The following PCDHGA6 variants were observed in gnomAD, a reference collection of about 807,000 sequenced individuals.
PCDHGA6 encodes protocadherin gamma-A6.
A neutral mutation model predicts 60.6 loss-of-function variants in PCDHGA6; 41 were observed. The observed-to-expected ratio is 0.68, with a 90% CI of 0.53 to 0.88. The LOEUF (loss-of-function observed/expected upper bound fraction) is 0.88. Ranked by LOEUF, PCDHGA6 falls within the 40% of genes least tolerant of loss-of-function variation. The pLI is 0.00. For missense variants in PCDHGA6, 1,312 were observed against 1,203.0 expected, an observed-to-expected ratio of 1.09 and a Z score of -1.34; for synonymous variants, 594 against 524.4, an observed-to-expected ratio of 1.13 and a Z score of -1.81.
Position 141,395,219 on chromosome 5 carries a change from T to G in PCDHGA6, c.2424+18712T>G, listed in dbSNP as rs1303078300. On this transcript the variant is annotated intron_variant, in intron 1 of 3. Coordinates refer to ENST00000517434, the MANE Select transcript of PCDHGA6 (RefSeq NM_018919.3). Reference sequence around the variant, plus strand: ...CCGTAGATTTTCATGAATATAAGAATGAAGCTGATCATGGTCAGGTGAGTT... The same window carrying G: ...CCGTAGATTTTCATGAATATAAGAAGGAAGCTGATCATGGTCAGGTGAGTT... 3.7e-6 allele frequency: 6 copies of G among 1,611,924 alleles called. No individual in the cohort carries two copies. In the African/African-American group the frequency reaches 4.0e-5, roughly 11 times the overall value.
Position 141,476,477 on chromosome 5 carries a change from G to C in PCDHGA6, c.2425-18330G>C. ...GGAGAACCCGCTGGAGCTGTTCAGCGTGGAAGTGGTGATCCAGGACATCAA... is the reference window on the plus strand; with the variant it reads ...GGAGAACCCGCTGGAGCTGTTCAGCCTGGAAGTGGTGATCCAGGACATCAA... On this transcript the variant is annotated intron_variant, in intron 1 of 3. Coordinates refer to ENST00000517434, the MANE Select transcript of PCDHGA6 (RefSeq NM_018919.3). The surrounding 1 kb of genome is among the most constrained non-coding windows in gnomAD (Gnocchi z 7.6). The C allele has an allele frequency of 5.0e-6, 8 of 1,614,078 alleles. No homozygotes were observed. Among genetic ancestry groups the C allele is most frequent in the Non-Finnish European group, 6.8e-6 (8 of 1,180,018 alleles).
At position 141,476,717 on chromosome 5, in the gene PCDHGA6, G is replaced by A. The variant is rs2099397053; in HGVS notation, c.2425-18090G>A. 6.2e-7 allele frequency: 1 copy of A among 1,614,048 alleles called. No homozygotes were observed. The stretch of plus-strand genomic sequence containing the variant: ...GTACGCGGAGCTGGTGTTGGAGCGC[G>A]CCCTGGACCGAGAACGGGAGCCTAG... On this transcript the variant is annotated intron_variant, in intron 1 of 3. Transcript: ENST00000517434. This position sits in a 1 kb window ranked among gnomAD's most constrained non-coding sequence, Gnocchi z 7.6.
At chr5:141,398,511 C>A in intron 1 of PCDHGA6, 1 of 1,595,066 alleles carries the variant, frequency 6.3e-7, no homozygotes, top group Non-Finnish European at 8.5e-7. Flanking sequence ...ACATTAATGA[C>A]CACACGCCAA....
chr5:141,491,254 G>A lies in PCDHGA6; in HGVS notation c.2425-3553G>A, dbSNP rs746242389. ...GCTGGTTCTGGAGGATGAGGACCCT[G>A]AGGAAATGCCCAAATCCAGTGACTT... is the stretch of plus-strand genomic sequence containing the variant. On this transcript the variant is annotated intron_variant, in intron 1 of 3. Coordinates refer to ENST00000517434, the MANE Select transcript of PCDHGA6 (RefSeq NM_018919.3). This position sits in a 1 kb window ranked among gnomAD's most constrained non-coding sequence, Gnocchi z 6.9. 24 of 1,614,198 alleles carry A rather than the reference G, an allele frequency of 1.5e-5. No individual in the cohort carries two copies. The highest frequency in any genetic ancestry group is 2.0e-5 in the Non-Finnish European group (24 of 1,180,018).
intron 1 of PCDHGA6, chr5:141,430,643 T>C (rs1432236231): frequency 2.1e-6 from 2 of 947,068 alleles, no homozygotes; most frequent in Non-Finnish European, 3.0e-6. Context: ...CCTGGGAGTA[T>C]GTGGAAACAA....
At chr5:141,423,500 T>A (rs1191111288) in intron 1 of PCDHGA6, 1 of 1,613,732 alleles carries the variant, frequency 6.2e-7, no homozygotes, top group Non-Finnish European at 8.5e-7. Flanking sequence ...TCCCACGAGG[T>A]CTCTCTCATT....
chr5:141,465,385 C>T (rs752724696), intron 1 of PCDHGA6, among the ~76,000 whole-genome samples: 3 of 151,978 alleles, frequency 2.0e-5, no homozygotes, highest in Admixed American at 6.6e-5. Context: ...AGATTAGGAA[C>T]AAAAACAAGT....
intron 1 of PCDHGA6, chr5:141,383,263 G>C: frequency 1.9e-6 from 3 of 1,613,926 alleles, no homozygotes; most frequent in Non-Finnish European, 2.5e-6. Context: ...TATAGACGTG[G>C]AAATAATAGA....
chr5:141,486,391 C>T lies in PCDHGA6; in HGVS notation c.2425-8416C>T. The T allele has an allele frequency of 6.2e-7, 1 of 1,614,112 alleles. No individual in the cohort carries two copies. The highest frequency in any genetic ancestry group is 8.5e-7 in the Non-Finnish European group (1 of 1,179,984). Reference sequence around the variant, plus strand: ...AGTCTGCCTTCAGGAACCAGTTCTCCCTGGTGACTGCTGGACCCTTGGATC... The same window carrying T: ...AGTCTGCCTTCAGGAACCAGTTCTCTCTGGTGACTGCTGGACCCTTGGATC... On this transcript the variant is annotated intron_variant, in intron 1 of 3. Transcript: ENST00000517434. The surrounding 1 kb of genome is among the most constrained non-coding windows in gnomAD (Gnocchi z 5.0).
At position 141,476,746 on chromosome 5, in the gene PCDHGA6, C is replaced by A; in HGVS notation, c.2425-18061C>A. 1 of 1,614,068 alleles carries A rather than the reference C, an allele frequency of 6.2e-7. No homozygotes were observed. On this transcript the variant is annotated intron_variant, in intron 1 of 3. Transcript: ENST00000517434. The surrounding 1 kb of genome is among the most constrained non-coding windows in gnomAD (Gnocchi z 7.6). ...TGGACCGAGAACGGGAGCCTAGTCT[C>A]CAGTTAGTGCTGACGGCGTTGGACG...
At chr5:141,406,446 C>T (rs1292880739) in intron 1 of PCDHGA6, among the ~76,000 whole-genome samples, 1 of 152,200 alleles carries the variant, frequency 6.6e-6, no homozygotes, top group Non-Finnish European at 1.5e-5. Flanking sequence ...TCTTCCATTT[C>T]TATGACAGGA....
intron 1 of PCDHGA6, among the ~76,000 whole-genome samples, chr5:141,446,323 A>G (rs1372501599): frequency 6.6e-6 from 1 of 152,216 alleles, no homozygotes. Flanking sequence ...GGGTTTCCAC[A>G]TTAAGGAACT....
At position 141,374,816 on chromosome 5, in the gene PCDHGA6, C is replaced by T. The variant is rs771806207; in HGVS notation, c.733C>T (p.Pro245Ser). The change falls in exon 1 of 4, where the codon CCT becomes TCT. Residue 245 changes from proline to serine, a missense_variant. By Grantham distance (74) the Pro-to-Ser change is moderately conservative. Transcript: ENST00000517434. ...VNDNTPMFTQ[P>S]VYRVSVPENL... ...TGACAACACTCCAATGTTTACTCAG[C>T]CTGTCTACCGTGTAAGTGTTCCTGA... is the stretch of plus-strand genomic sequence containing the variant. The T allele has an allele frequency of 6.2e-7, 1 of 1,613,964 alleles. No homozygotes were observed. The highest frequency in any genetic ancestry group is 2.2e-5 in the East Asian group (1 of 44,884).
chr5:141,445,621 G>A (rs1216813961), intron 1 of PCDHGA6, among the ~76,000 whole-genome samples: 4 of 151,996 alleles, frequency 2.6e-5, no homozygotes, highest in African/African-American at 7.2e-5. Flanking sequence ...TCTTTTTTTC[G>A]GAAAGTGATA....
chr5:141,494,251 G>C (rs961451413), intron 1 of PCDHGA6, among the ~76,000 whole-genome samples: 2 of 152,214 alleles, frequency 1.3e-5, no homozygotes, highest in African/African-American at 4.8e-5. Context: ...TTAGCTGTGG[G>C]AAGAGATTCT....
rs751976949 is a variant in PCDHGA6, at chr5:141,414,873, C to A, written c.2424+38366C>A. The A allele has an allele frequency of 6.2e-6, 10 of 1,614,108 alleles. No homozygotes were observed. The Admixed American group carries it at 1.2e-4, about 19-fold the overall frequency. ...ACCAGAACGACAATGCGCCCGAGAT[C>A]CTGTACCCCGCCCTCCCCACAGACG... On this transcript the variant is annotated intron_variant, in intron 1 of 3. Transcript: ENST00000517434.
chr5:141,403,571 G>T (rs778030830), intron 1 of PCDHGA6: 2 of 1,613,904 alleles, frequency 1.2e-6, no homozygotes, highest in South Asian at 1.1e-5. Flanking sequence ...GGAGGCAACT[G>T]CCCACCACCT....
chr5:141,503,777 G>A (rs2099830497), intron 2 of PCDHGA6, among the ~76,000 whole-genome samples: 1 of 152,074 alleles, frequency 6.6e-6, no homozygotes, highest in South Asian at 2.1e-4. Context: ...TCTGTTCTTA[G>A]GCTGAGTTCA....
intron 1 of PCDHGA6, chr5:141,393,748 G>A (rs368249829): frequency 1.2e-6 from 2 of 1,613,866 alleles, no homozygotes; most frequent in Non-Finnish European, 8.5e-7. Flanking sequence ...TATGAAGAAT[G>A]TTCATTTTAT....
Sources: allele counts gnomAD v4.1 joint callset (sites outside exome capture counted in the v4.1 genomes callset), GRCh38; gene constraint gnomAD v4.1.1; non-coding constraint Gnocchi (gnomAD v3.1); transcripts MANE v1.5; gene names NCBI Gene and HGNC (gene_info 2026-07-23, HGNC 2026-07-21).